Variants in MAP3K20 observed in about 807,000 individuals in gnomAD.
The protein encoded by MAP3K20 is mitogen-activated protein kinase kinase kinase 20.
A neutral mutation model predicts 85.7 loss-of-function variants in MAP3K20; 40 were observed. The ratio of observed to expected loss-of-function variants is 0.47; its 90% CI spans 0.36 to 0.61. The LOEUF (loss-of-function observed/expected upper bound fraction) is 0.61. Ranked by LOEUF, MAP3K20 falls within the 20% of genes least tolerant of loss-of-function variation. The probability of loss-of-function intolerance (pLI) is 0.00; values close to 1 mark genes in which losing one functional copy is unlikely to be tolerated. For missense variants in MAP3K20, 817 were observed against 961.7 expected (o/e 0.85, Z 1.99); for synonymous variants, 325 against 327.7 (o/e 0.99, Z 0.09).
At chr2:173,101,183 T>G (rs1687628781) in intron 2 of MAP3K20, among the ~76,000 whole-genome samples, 1 of 152,238 alleles carries the variant, frequency 6.6e-6, no homozygotes, top group African/African-American at 2.4e-5. Context: ...CCATGTTATG[T>G]GAAATGTAGT....
At chr2:173,123,385 C>T (rs555567634) in intron 2 of MAP3K20, among the ~76,000 whole-genome samples, 2 of 152,274 alleles carry the variant, frequency 1.3e-5, no homozygotes, top group South Asian at 2.1e-4. Flanking sequence ...AAGGGTCTTG[C>T]AGGTTTTTGA....
intron 1 of MAP3K20, 61 bp downstream of exon 1, chr2:173,076,063 C>T: frequency 8.2e-6 from 8 of 971,396 alleles, no homozygotes; most frequent in Non-Finnish European, 9.8e-6. Context: ...CCGCCGCGCT[C>T]GCGAGTCGTC....
intron 2 of MAP3K20, among the ~76,000 whole-genome samples, chr2:173,110,239 A>C (rs58066536): frequency 1.0e-4 from 1 of 9,764 alleles, no homozygotes; most frequent in Non-Finnish European, 1.7e-4. Context: ...ATATATATAT[A>C]TATTTTTTTT....
intron 7 of MAP3K20, among the ~76,000 whole-genome samples, chr2:173,196,457 A>G (rs1215638887): frequency 3.3e-5 from 5 of 152,214 alleles, no homozygotes; most frequent in Non-Finnish European, 5.9e-5. Flanking sequence ...TGACTCAAAT[A>G]GAATTATTCA....
intron 11 of MAP3K20, 137 bp downstream of exon 11, chr2:173,217,387 C>T (rs1684110635): frequency 2.9e-6 from 3 of 1,047,850 alleles, no homozygotes; most frequent in Non-Finnish European, 2.5e-6. Context: ...TATTAAAGGG[C>T]CCGCGTGTGG....
chr2:173,239,378 A>C, intron 15 of MAP3K20, 26 bp from the exon 16 acceptor site: 4 of 1,577,684 alleles, frequency 2.5e-6, no homozygotes, highest in Non-Finnish European at 2.6e-6. Flanking sequence ...CATCTAGAAT[A>C]ATTGGTGCTT....
At chr2:173,225,122 T>G in intron 11 of MAP3K20, 1 of 848,722 alleles carries the variant, frequency 1.2e-6, no homozygotes, top group South Asian at 6.0e-5. Context: ...CTTGTAGAAT[T>G]TGATGAGACC....
intron 1 of MAP3K20, chr2:173,090,555 T>G: frequency 2.2e-6 from 2 of 916,786 alleles, no homozygotes; most frequent in Non-Finnish European, 2.6e-6. Flanking sequence ...GCTTAGGTTG[T>G]GTATATTTTG....
intron 2 of MAP3K20, among the ~76,000 whole-genome samples, chr2:173,166,130 T>G (rs977608976): frequency 1.3e-5 from 2 of 152,228 alleles, no homozygotes; most frequent in East Asian, 1.9e-4. Flanking sequence ...TAATCTGCTT[T>G]CTTTATTGCT....
intron 14 of MAP3K20, among the ~76,000 whole-genome samples, chr2:173,233,442 G>GTT (rs1684567850): frequency 6.6e-6 from 1 of 152,198 alleles, no homozygotes; most frequent in Admixed American, 6.5e-5. Context: ...GTTGTTTTTT[G>GTT]TTTGTTTTTG....
At chr2:173,264,460 G>A (rs919119586) in intron 19 of MAP3K20, among the ~76,000 whole-genome samples, 4 of 152,200 alleles carry the variant, frequency 2.6e-5, no homozygotes, top group East Asian at 1.9e-4. Context: ...AGGAAATAAC[G>A]GGTTAGGTCC....
At chr2:173,090,806 G>A (rs941996021) in intron 1 of MAP3K20, 192 bp from the exon 2 acceptor site, 31 of 1,224,258 alleles carry the variant, frequency 2.5e-5, no homozygotes, top group African/African-American at 6.3e-5. Context: ...GCAGGTTGTT[G>A]TTGAATTTTG....
intron 12 of MAP3K20, 42 bp from the exon 13 acceptor site, chr2:173,232,150 A>C (rs1684536495): frequency 6.2e-7 from 1 of 1,613,480 alleles, no homozygotes. Flanking sequence ...GCCACTGACC[A>C]TGTGTGAATC....
chr2:173,109,046 C>T (rs909681620), intron 2 of MAP3K20, among the ~76,000 whole-genome samples: 9 of 152,186 alleles, frequency 5.9e-5, no homozygotes, highest in African/African-American at 1.7e-4. Flanking sequence ...CTTCAACTCT[C>T]CTAGAATGTC....
intron 2 of MAP3K20, among the ~76,000 whole-genome samples, chr2:173,122,517 G>A (rs1407503108): frequency 6.6e-6 from 1 of 152,148 alleles, no homozygotes; most frequent in Non-Finnish European, 1.5e-5. Flanking sequence ...GTATATGCCT[G>A]TGGCAGCACT....
intron 2 of MAP3K20, among the ~76,000 whole-genome samples, chr2:173,120,625 G>A (rs796269917): frequency 7.3e-5 from 11 of 151,040 alleles, no homozygotes; most frequent in African/African-American, 2.7e-4. Context: ...AACTAACAGA[G>A]CTCAGGGGTA....
chr2:173,192,284 C>G lies in MAP3K20; in HGVS notation c.582+1107C>G, dbSNP rs903607369. 3.3e-5 allele frequency among the ~76,000 whole-genome samples: 5 copies of G among 152,124 alleles called. No homozygotes were observed. The East Asian group carries it at 5.8e-4, about 18-fold the overall frequency. On this transcript the variant is annotated intron_variant, in intron 7 of 19. Coordinates refer to ENST00000375213, the MANE Select transcript of MAP3K20 (RefSeq NM_016653.3). The stretch of plus-strand genomic sequence containing the variant: ...GACCTGTTTTGTTTTGTTTTGTTTT[C>G]TTTATTCGGTCTCTAGGTATTTAAT...
intron 10 of MAP3K20, 43 bp from the exon 11 acceptor site, chr2:173,217,072 C>G (rs374444881): frequency 2.1e-6 from 3 of 1,419,074 alleles, no homozygotes; most frequent in Non-Finnish European, 2.8e-6. Context: ...CGCTTGATGT[C>G]TCTTAAGTAA....
At chr2:173,144,558 TG>T (rs71018538) in intron 2 of MAP3K20, among the ~76,000 whole-genome samples, 68,823 of 145,308 alleles carry the variant, frequency 0.47, 17,616 homozygotes, top group African/African-American at 0.7. Flanking sequence ...TAGCTGGGAG[TG>T]GGGGGGCATG....
Sources: gnomAD v4.1 joint callset for allele counts (sites outside exome capture counted in the v4.1 genomes callset) on GRCh38, gnomAD v4.1.1 for gene constraint, MANE v1.5 for transcripts, NCBI Gene and HGNC (gene_info 2026-07-23, HGNC 2026-07-21) for gene names.